GRM7: variants seen among roughly 807,000 people sequenced by gnomAD.
GRM7 encodes metabotropic glutamate receptor 7.
GRM7 carries 35 observed loss-of-function variants against 84.5 expected under a neutral mutation model. The observed-to-expected ratio is 0.41, with a 90% confidence interval of 0.32 to 0.55. The LOEUF is 0.55. Ranked by LOEUF, GRM7 falls within the 20% of genes least tolerant of loss-of-function variation. The pLI is 0.19. For missense variants in GRM7, 1,003 were observed against 1,194.6 expected (o/e 0.84, Z 2.36); for synonymous variants, 487 against 455.1 (o/e 1.07, Z -0.89).
intron 7 of GRM7, among the ~76,000 whole-genome samples, chr3:7,557,790 T>C (rs763742953): frequency 2.6e-5 from 4 of 152,118 alleles, no homozygotes; most frequent in African/African-American, 2.4e-5. Flanking sequence ...GGCACGAAAA[T>C]GTAAATCCCC....
chr3:7,206,826 C>T (rs1262249661), intron 2 of GRM7, among the ~76,000 whole-genome samples: 2 of 152,110 alleles, frequency 1.3e-5, no homozygotes, highest in Non-Finnish European at 2.9e-5. Context: ...TATTATTCGA[C>T]GGGTTCTAAT....
At chr3:7,321,248 T>C (rs192338391) in intron 4 of GRM7, among the ~76,000 whole-genome samples, 1 of 152,090 alleles carries the variant, frequency 6.6e-6, no homozygotes, top group African/African-American at 2.4e-5. Flanking sequence ...GTTCATAAGG[T>C]TCTGATACTA....
chr3:7,152,889 G>A (rs1443693130), intron 2 of GRM7, among the ~76,000 whole-genome samples: 5 of 152,104 alleles, frequency 3.3e-5, no homozygotes, highest in Admixed American at 3.3e-4. Context: ...TGAAGCTAGG[G>A]TACAGTCATT....
chr3:7,428,358 C>T (rs1329358126), intron 5 of GRM7, among the ~76,000 whole-genome samples: 1 of 152,134 alleles, frequency 6.6e-6, no homozygotes, highest in East Asian at 1.9e-4. Flanking sequence ...AACTGTGGCT[C>T]AACTTTTTTT....
chr3:7,534,205 G>C (rs529714131), intron 7 of GRM7, among the ~76,000 whole-genome samples: 1 of 151,880 alleles, frequency 6.6e-6, no homozygotes, highest in African/African-American at 2.4e-5. Flanking sequence ...GTACAGACAG[G>C]GTTTCAACAT....
At chr3:7,189,178 G>A (rs1416042381) in intron 2 of GRM7, among the ~76,000 whole-genome samples, 1 of 152,124 alleles carries the variant, frequency 6.6e-6, no homozygotes, top group African/African-American at 2.4e-5. Context: ...ATGTGGACAT[G>A]TATGCATGTA....
chr3:6,962,385 G>A (rs909394440), intron 1 of GRM7, among the ~76,000 whole-genome samples: 3 of 152,038 alleles, frequency 2.0e-5, no homozygotes, highest in South Asian at 2.1e-4. Context: ...TAGAAATATA[G>A]CAAAGTGAAG....
At chr3:7,459,323 A>G (rs1375919) in intron 6 of GRM7, among the ~76,000 whole-genome samples, 123,105 of 152,022 alleles carry the variant, frequency 0.81, 50,294 homozygotes, top group Non-Finnish European at 0.86. Flanking sequence ...ATACCAGTTA[A>G]GTATGAACAC....
chr3:7,680,248 C>T lies in GRM7; in HGVS notation c.2651C>T (p.Pro884Leu). The change falls in exon 9 of 10, where the codon CCC (proline) becomes CTC (leucine). Residue 884 changes from proline (P) to leucine (L), a missense_variant. Transcript: ENST00000357716. The part of the protein sequence containing the change: ...SRLSHKPSDR[P>L]NGEAKTELCE... ...CTGTCACACAAACCCAGTGACAGAC[C>T]CAACGGTGAGGCAAAGACCGAGCTC... is the stretch of plus-strand genomic sequence containing the variant. 1 of 1,614,050 alleles carries T rather than the reference C, an allele frequency of 6.2e-7. No homozygotes were observed.
At chr3:7,055,526 T>C (rs1697189279) in intron 1 of GRM7, among the ~76,000 whole-genome samples, 1 of 149,762 alleles carries the variant, frequency 6.7e-6, no homozygotes, top group Non-Finnish European at 1.5e-5. Context: ...TATATATACA[T>C]ACACACACAT....
intron 1 of GRM7, chr3:6,956,442 A>T (rs1693052545): frequency 4.8e-6 from 2 of 415,014 alleles, no homozygotes; most frequent in Non-Finnish European, 9.5e-6. Flanking sequence ...TCTCTCTAAG[A>T]CTTTGGGCAA....
At chr3:6,938,092 C>A (rs1225117398) in intron 1 of GRM7, among the ~76,000 whole-genome samples, 3 of 152,162 alleles carry the variant, frequency 2.0e-5, no homozygotes, top group Admixed American at 6.6e-5. Flanking sequence ...AGCCTGAGCA[C>A]CTTCATTCAA....
At chr3:6,909,356 A>T (rs1020401985) in intron 1 of GRM7, among the ~76,000 whole-genome samples, 1 of 152,118 alleles carries the variant, frequency 6.6e-6, no homozygotes, top group Non-Finnish European at 1.5e-5. Flanking sequence ...TCTATCCCTC[A>T]CGTGTATAAT....
chr3:7,485,278 G>A (rs1699278448), intron 7 of GRM7, among the ~76,000 whole-genome samples: 1 of 152,184 alleles, frequency 6.6e-6, no homozygotes, highest in Non-Finnish European at 1.5e-5. Context: ...TAACTAATAT[G>A]CCTTCATTTA....
chr3:7,409,749 T>C (rs542790849), intron 4 of GRM7, among the ~76,000 whole-genome samples: 5 of 152,012 alleles, frequency 3.3e-5, no homozygotes, highest in East Asian at 3.9e-4. Context: ...TACAGGCACA[T>C]GCCACCACGC....
chr3:6,950,076 T>G (rs1389725782), intron 1 of GRM7, among the ~76,000 whole-genome samples: 2 of 152,214 alleles, frequency 1.3e-5, no homozygotes, highest in African/African-American at 4.8e-5. Flanking sequence ...ATTCTCCATC[T>G]AGCTATTTCC....
At chr3:7,125,000 G>C (rs527984703) in intron 1 of GRM7, among the ~76,000 whole-genome samples, 2 of 152,010 alleles carry the variant, frequency 1.3e-5, no homozygotes, top group Admixed American at 6.6e-5. Flanking sequence ...GTGCAGTGGC[G>C]CGGGTCTCAG....
intron 8 of GRM7, among the ~76,000 whole-genome samples, chr3:7,661,816 A>AAAAAAAAAAAAAAAC (rs1699464580): frequency 6.9e-6 from 1 of 145,338 alleles, no homozygotes; most frequent in Non-Finnish European, 1.5e-5. Context: ...AAAAAAAAAA[A>AAAAAAAAAAAAAAAC]AAAATGTAAA....
In GRM7 at chr3:7,525,006, A is replaced by G. The variant is rs562010453; in HGVS notation, c.1516-53416A>G. Reference sequence around the variant, plus strand: ...TGGAAATCATCAGTCTCAGTAAACTATCACAAGAACAAAAAACCAAACACC... The same window carrying G: ...TGGAAATCATCAGTCTCAGTAAACTGTCACAAGAACAAAAAACCAAACACC... On this transcript the variant is annotated intron_variant, in intron 7 of 9. Coordinates refer to ENST00000357716, the MANE Select transcript of GRM7 (RefSeq NM_000844.4). Among the ~76,000 whole-genome samples the G allele has an allele frequency of 2.7e-5, 4 of 150,650 alleles. No homozygotes were observed. In the East Asian group the frequency reaches 7.9e-4, roughly 30 times the overall value.
Sources: allele counts gnomAD v4.1 joint callset (sites outside exome capture counted in the v4.1 genomes callset), GRCh38; gene constraint gnomAD v4.1.1; transcripts MANE v1.5; gene names NCBI Gene and HGNC (gene_info 2026-07-23, HGNC 2026-07-21).